TAF3: variants seen among roughly 807,000 people sequenced by gnomAD.
TAF3 encodes the protein transcription initiation factor TFIID subunit 3.
Under a neutral mutation model 80.6 loss-of-function variants are expected in TAF3, and 7 were observed. The observed-to-expected ratio is 0.09, with a 90% confidence interval of 0.05 to 0.16. TAF3 has a LOEUF of 0.16. Among genes scored for constraint, TAF3 ranks in the 10% least tolerant of loss-of-function variants. TAF3 has a pLI of 1.00. For synonymous variants in TAF3, 444 were observed against 446.1 expected (o/e 1.00, Z 0.06); for missense variants, 921 against 1,140.2 (o/e 0.81, Z 2.77).
In TAF3 at chr10:7,830,473, C is replaced by CTTTTTTTTTT. The variant is rs1176707860; in HGVS notation, c.409+5932_409+5941dup. Among the ~76,000 whole-genome samples, 71 of 57,726 alleles carry CTTTTTTTTTT rather than the reference C, an allele frequency of 1.2e-3. 15 individuals are homozygous for CTTTTTTTTTT. Among genetic ancestry groups the CTTTTTTTTTT allele is most frequent in the Non-Finnish European group, 1.6e-3 (51 of 32,348 alleles). 37.9% of individuals were successfully genotyped at this position (57,726 alleles called of 152,430 possible). A position where few individuals can be genotyped will look rare whatever the true frequency, so the allele number is the denominator to read the frequency against. On this transcript the variant is annotated intron_variant, in intron 2 of 6. Coordinates refer to ENST00000344293, the MANE Select transcript of TAF3 (RefSeq NM_031923.4). ...TGCACACCTTTTTCACTTTACATGT[C>CTTTTTTTTTT]TTTTTTTTTTTTTTTTTTTTTTTTT...
intron 2 of TAF3, among the ~76,000 whole-genome samples, chr10:7,828,631 A>G (rs1297878781): frequency 6.6e-6 from 1 of 151,544 alleles, no homozygotes; most frequent in Non-Finnish European, 1.5e-5. Context: ...AAAATAGTAC[A>G]GCGTACTATG....
intron 2 of TAF3, among the ~76,000 whole-genome samples, chr10:7,945,512 A>G (rs548927266): frequency 6.6e-6 from 1 of 152,034 alleles, no homozygotes; most frequent in African/African-American, 2.4e-5. Context: ...CCCTTCTTCT[A>G]GTTAAGTGGA....
intron 2 of TAF3, among the ~76,000 whole-genome samples, chr10:7,939,595 C>A (rs1191774628): frequency 6.6e-6 from 1 of 151,012 alleles, no homozygotes; most frequent in African/African-American, 2.4e-5. Context: ...CACACACACA[C>A]ACACACACAC....
intron 2 of TAF3, among the ~76,000 whole-genome samples, chr10:7,943,848 A>G (rs1588560747): frequency 6.6e-6 from 1 of 152,210 alleles, no homozygotes; most frequent in Non-Finnish European, 1.5e-5. Context: ...ATTACCACAG[A>G]TAGTCAGGAA....
At position 7,818,809 on chromosome 10, in the gene TAF3, C is replaced by T; in HGVS notation, c.100C>T (p.Leu34Phe). 6.4e-7 allele frequency: 1 copy of T among 1,570,474 alleles called. No individual in the cohort carries two copies. Among genetic ancestry groups the T allele is most frequent in the Non-Finnish European group, 8.6e-7 (1 of 1,168,528 alleles). ...DSVQLSACHL[L>F]TDVLQRYLQQ... ...GGTGCAGCTCAGCGCCTGCCACCTC[C>T]TCACGGACGTGCTGCAGCGCTATCT... The change falls in exon 1 of 7, where the codon CTC becomes TTC. Residue 34 changes from leucine (L) to phenylalanine (F), a missense_variant. Physicochemically the swap from Leu to Phe is conservative, Grantham distance 22 (BLOSUM62 0). This residue lies in a region of TAF3 where 106 missense variants were observed against 191.8 expected (regional missense o/e 0.55). Transcript: ENST00000344293.
intron 2 of TAF3, among the ~76,000 whole-genome samples, chr10:7,934,860 GC>G (rs1837901424): frequency 5.9e-5 from 9 of 152,308 alleles, no homozygotes; most frequent in Admixed American, 5.9e-4. Context: ...TATTCATTGA[GC>G]CCCTCCCATG....
chr10:7,963,781 C>G, intron 2 of TAF3, 139 bp from the exon 3 acceptor site: 1 of 854,252 alleles, frequency 1.2e-6, no homozygotes, highest in Non-Finnish European at 1.7e-6. Flanking sequence ...CATGTTGTGC[C>G]CATGTACCCT....
Position 8,013,757 on chromosome 10 carries a change from C to T in TAF3, c.2595C>T (p.Ile865=). The T allele has an allele frequency of 6.2e-7, 1 of 1,614,088 alleles. No individual in the cohort carries two copies. Among genetic ancestry groups the T allele is most frequent in the Non-Finnish European group, 8.5e-7 (1 of 1,180,016 alleles). Reference sequence around the variant, plus strand: ...TCCGAGATGAGTGGGGCAATCAGATCTGGATCTGCCCTGGGTGTAACAAGC... The same window carrying T: ...TCCGAGATGAGTGGGGCAATCAGATTTGGATCTGCCCTGGGTGTAACAAGC... ...YVIRDEWGNQ[I]WICPGCNKPD... Residue 865 remains isoleucine (I), a synonymous_variant, in exon 6 of 7, where the codon ATC becomes ATT. Transcript: ENST00000344293.
chr10:7,912,688 A>T (rs779996282), intron 2 of TAF3, among the ~76,000 whole-genome samples: 6 of 152,216 alleles, frequency 3.9e-5, no homozygotes, highest in Non-Finnish European at 8.8e-5. Flanking sequence ...AGACTTTTGC[A>T]GATATCAGAG....
chr10:7,819,620 A>G (rs1359897612), intron 1 of TAF3, among the ~76,000 whole-genome samples: 1 of 152,204 alleles, frequency 6.6e-6, no homozygotes, highest in Non-Finnish European at 1.5e-5. Flanking sequence ...AGCTAGTGGT[A>G]TTTAATAATT....
At chr10:7,894,578 G>A (rs1837489084) in intron 2 of TAF3, among the ~76,000 whole-genome samples, 1 of 152,160 alleles carries the variant, frequency 6.6e-6, no homozygotes, top group Middle Eastern at 3.4e-3. Flanking sequence ...GTTTGAAGTT[G>A]GAATTCATTT....
rs1832098131 is a variant in TAF3, at chr10:8,015,829, T to TA, written c.*1082dup. Reference sequence around the variant, plus strand: ...GTAAATTTCTTTGACAGACTTTTACTAAAAGGACATGTAGTTTCCATGAAA... The same window carrying TA: ...GTAAATTTCTTTGACAGACTTTTACTAAAAAGGACATGTAGTTTCCATGAAA... On this transcript the variant is annotated 3_prime_UTR_variant, in exon 7 of 7. Transcript: ENST00000344293. 1 of 151,040 alleles carries TA rather than the reference T, an allele frequency of 6.6e-6. No individual in the cohort carries two copies. The highest frequency in any genetic ancestry group is 2.4e-5 in the African/African-American group (1 of 41,102). 9.4% of individuals were successfully genotyped at this position (151,040 alleles called of 1,614,324 possible). A position where few individuals can be genotyped will look rare whatever the true frequency, so the allele number is the denominator to read the frequency against.
At chr10:7,852,404 C>T (rs1342310594) in intron 2 of TAF3, among the ~76,000 whole-genome samples, 1 of 152,146 alleles carries the variant, frequency 6.6e-6, no homozygotes, top group Non-Finnish European at 1.5e-5. Context: ...CTCCCTCTCT[C>T]ATTCTTTCTC....
chr10:8,001,801 C>T (rs531855593), intron 4 of TAF3, among the ~76,000 whole-genome samples: 18 of 152,222 alleles, frequency 1.2e-4, no homozygotes, highest in Admixed American at 9.8e-4. Context: ...TACCATCCAA[C>T]AAGTCATAAT....
chr10:8,003,375 T>C (rs974213924), intron 4 of TAF3, among the ~76,000 whole-genome samples: 2 of 152,236 alleles, frequency 1.3e-5, no homozygotes, highest in African/African-American at 4.8e-5. Context: ...TAAAATACTT[T>C]AGCTCTGTTT....
chr10:7,930,510 A>G (rs1837858306), intron 2 of TAF3, among the ~76,000 whole-genome samples: 2 of 152,322 alleles, frequency 1.3e-5, no homozygotes, highest in South Asian at 4.1e-4. Context: ...GTGCCTTTCT[A>G]AAGCTATAAG....
At chr10:7,996,053 A>G (rs1385090685) in intron 4 of TAF3, among the ~76,000 whole-genome samples, 2 of 152,240 alleles carry the variant, frequency 1.3e-5, no homozygotes, top group Non-Finnish European at 2.9e-5. Context: ...CTAAGTTAGA[A>G]AAATCGAACA....
chr10:7,977,106 T>C, intron 3 of TAF3, 135 bp from the exon 4 acceptor site: 1 of 744,788 alleles, frequency 1.3e-6, no homozygotes, highest in Non-Finnish European at 2.3e-6. Flanking sequence ...CCAGATTGTC[T>C]TTCTGTCTAA....
intron 2 of TAF3, among the ~76,000 whole-genome samples, chr10:7,840,365 G>T (rs1053432357): frequency 6.6e-6 from 1 of 151,832 alleles, no homozygotes; most frequent in Non-Finnish European, 1.5e-5. Context: ...TGTTAGCCAG[G>T]ATGGTCTCGA....
Sources: allele counts gnomAD v4.1 joint callset (sites outside exome capture counted in the v4.1 genomes callset), GRCh38; gene constraint gnomAD v4.1.1; regional missense constraint gnomAD v4.1.1; transcripts MANE v1.5; gene names NCBI Gene and HGNC (gene_info 2026-07-23, HGNC 2026-07-21).